Variants in LPA observed in about 807,000 individuals in gnomAD.
LPA encodes the protein apolipoprotein(a).
Under a neutral mutation model 197.9 loss-of-function variants are expected in LPA, and 199 were observed. The observed-to-expected ratio is 1.01, with a 90% confidence interval of 0.90 to 1.13. The LOEUF (loss-of-function observed/expected upper bound fraction) is 1.13, where lower values mean the gene tolerates loss of function less well. LPA is among the 50% of genes most tolerant of loss of function. LPA has a pLI of 0.00. For missense variants in LPA, 1,853 were observed against 1,785.8 expected (o/e 1.04, Z -0.68); for synonymous variants, 715 against 639.5 (o/e 1.12, Z -1.78).
intron 28 of LPA, among the ~76,000 whole-genome samples, chr6:160,572,606 G>A (rs1304838531): frequency 6.6e-6 from 1 of 152,106 alleles, no homozygotes; most frequent in East Asian, 1.9e-4. Flanking sequence ...ACTTGGTAAT[G>A]GTGAATTCTC....
At chr6:160,585,345 TA>T (rs1423288273) in intron 25 of LPA, 140 bp from the exon 26 acceptor site, 3 of 811,030 alleles carry the variant, frequency 3.7e-6, no homozygotes, top group South Asian at 1.4e-5. Context: ...AAATGTAGAA[TA>T]AAAATACAAA....
chr6:160,549,030 G>A (rs1360227452), intron 30 of LPA, among the ~76,000 whole-genome samples: 2 of 152,128 alleles, frequency 1.3e-5, no homozygotes, highest in Admixed American at 6.5e-5. Flanking sequence ...AGAAGGCAAG[G>A]GAGAAACAGG....
At chr6:160,661,767 C>A (rs1367210) in intron 1 of LPA, among the ~76,000 whole-genome samples, 1 of 152,164 alleles carries the variant, frequency 6.6e-6, no homozygotes, top group Non-Finnish European at 1.5e-5. Flanking sequence ...GTCTTCACCC[C>A]GCACTGTTTC....
intron 1 of LPA, among the ~76,000 whole-genome samples, chr6:160,656,768 T>A (rs890008011): frequency 6.6e-6 from 1 of 152,192 alleles, no homozygotes; most frequent in Non-Finnish European, 1.5e-5. Context: ...TCTGGAACTG[T>A]AACAGGTTCG....
chr6:160,609,679 A>T lies in LPA; in HGVS notation c.2603+1883T>A, dbSNP rs370399017. 1.7e-4 allele frequency among the ~76,000 whole-genome samples: 26 copies of T among 152,176 alleles called. No homozygotes were observed. The South Asian group carries it at 3.7e-3, about 22-fold the overall frequency. ...CTCTTTACTGTGACTTGCTTCCCAC[A>T]TGCAGGAAATCTTCTTATATTTTCC... On this transcript the variant is annotated intron_variant, in intron 16 of 38. Coordinates refer to ENST00000316300, the MANE Select transcript of LPA (RefSeq NM_005577.4).
At chr6:160,576,417 G>GGTATATATATATATATATATATATATGT (rs1778678862) in intron 28 of LPA, among the ~76,000 whole-genome samples, 1 of 22,976 alleles carries the variant, frequency 4.4e-5, no homozygotes, top group Non-Finnish European at 7.5e-5. Flanking sequence ...TATATATATG[G>GGTATATATATATATATATATATATATGT]GTATATATAT....
At chr6:160,592,010 A>G (rs899767585) in intron 22 of LPA, among the ~76,000 whole-genome samples, 2 of 152,198 alleles carry the variant, frequency 1.3e-5, no homozygotes, top group Non-Finnish European at 2.9e-5. Flanking sequence ...TTTGCTCTTT[A>G]AAAATCTATA....
At chr6:160,551,987 C>T (rs554491303) in intron 30 of LPA, among the ~76,000 whole-genome samples, 1 of 150,026 alleles carries the variant, frequency 6.7e-6, no homozygotes, top group Non-Finnish European at 1.5e-5. Flanking sequence ...GATCAATGCT[C>T]ACTCATGGCT....
chr6:160,564,476 G>T (rs1019831232), intron 28 of LPA, among the ~76,000 whole-genome samples: 1 of 152,126 alleles, frequency 6.6e-6, no homozygotes, highest in South Asian at 2.1e-4. Context: ...GGCTTTTCTT[G>T]CTCCTCAGCC....
At chr6:160,571,084 T>A (rs181835211) in intron 28 of LPA, among the ~76,000 whole-genome samples, 3 of 152,312 alleles carry the variant, frequency 2.0e-5, no homozygotes, top group Admixed American at 2.0e-4. Context: ...CTTTATTCCT[T>A]AATCTTGTTT....
At chr6:160,565,730 C>G (rs1778440821) in intron 28 of LPA, among the ~76,000 whole-genome samples, 1 of 152,120 alleles carries the variant, frequency 6.6e-6, no homozygotes, top group African/African-American at 2.4e-5. Context: ...ACAAATTTCT[C>G]CGAGCTAAAG....
intron 28 of LPA, among the ~76,000 whole-genome samples, chr6:160,573,209 C>T (rs1778593708): frequency 6.6e-6 from 1 of 152,038 alleles, no homozygotes; most frequent in Non-Finnish European, 1.5e-5. Context: ...ATTTTTTCTA[C>T]TTGTTCAGTT....
In LPA at chr6:160,531,777, A is replaced by C; in HGVS notation, c.6075T>G (p.Arg2025=). ...ARPNKPGVYA[R]VSRFVTWIEG... ...CAATCCAAGTAACAAACCTTGAAACACGAGCATAGACACCAGGCTTATTGG... is the reference window on the plus strand; with the variant it reads ...CAATCCAAGTAACAAACCTTGAAACCCGAGCATAGACACCAGGCTTATTGG... The change falls in exon 39 of 39, where the codon CGT becomes CGG. Residue 2025 remains arginine (R), a synonymous_variant. Coordinates refer to ENST00000316300, the MANE Select transcript of LPA (RefSeq NM_005577.4). 1 of 1,614,144 alleles carries C rather than the reference A, an allele frequency of 6.2e-7. No individual in the cohort carries two copies. Among genetic ancestry groups the C allele is most frequent in the South Asian group, 1.1e-5 (1 of 91,084 alleles).
chr6:160,576,387 T>TATATATATATATATAC (rs1778670293), intron 28 of LPA, among the ~76,000 whole-genome samples: 1 of 57,654 alleles, frequency 1.7e-5, no homozygotes, highest in Non-Finnish European at 3.0e-5. Flanking sequence ...TATATATATA[T>TATATATATATATATAC]ATGTATATAT....
intron 1 of LPA, among the ~76,000 whole-genome samples, chr6:160,653,611 T>C (rs979973844): frequency 1.1e-4 from 16 of 151,756 alleles, no homozygotes; most frequent in Admixed American, 3.3e-4. Flanking sequence ...AAAGAAGAGC[T>C]GATATCAAGC....
intron 28 of LPA, among the ~76,000 whole-genome samples, chr6:160,570,499 T>C (rs896975101): frequency 2.0e-5 from 3 of 149,748 alleles, no homozygotes; most frequent in Admixed American, 1.3e-4. Context: ...ATGGGGGGAG[T>C]GGGGAGGGAT....
intron 25 of LPA, 115 bp from the exon 26 acceptor site, chr6:160,585,320 T>C (rs1314457900): frequency 3.1e-6 from 3 of 954,138 alleles, no homozygotes; most frequent in Non-Finnish European, 3.4e-6. Flanking sequence ...CTCTTCTATA[T>C]TAGCATGCAA....
intron 30 of LPA, among the ~76,000 whole-genome samples, chr6:160,554,313 T>C (rs1196876559): frequency 3.9e-5 from 6 of 152,198 alleles, no homozygotes; most frequent in Admixed American, 3.9e-4. Flanking sequence ...TAATTGCTTT[T>C]TCCTGCCTCA....
intron 1 of LPA, among the ~76,000 whole-genome samples, chr6:160,656,743 C>T (rs1242361270): frequency 1.3e-5 from 2 of 152,168 alleles, no homozygotes; most frequent in Admixed American, 6.5e-5. Context: ...CCAGCCTCCC[C>T]TTCATTCAGT....
Sources: allele counts gnomAD v4.1 joint callset (sites outside exome capture counted in the v4.1 genomes callset), GRCh38; gene constraint gnomAD v4.1.1; transcripts MANE v1.5; gene names NCBI Gene and HGNC (gene_info 2026-07-23, HGNC 2026-07-21).